Variants in PYGO1 observed in about 807,000 individuals in gnomAD.
PYGO1 encodes pygopus homolog 1.
A neutral mutation model predicts 29.5 loss-of-function variants in PYGO1; 6 were observed. That is an observed-to-expected ratio of 0.20 (90% CI 0.11 to 0.40). PYGO1 has a LOEUF of 0.40. Ranked by LOEUF, PYGO1 falls within the 10% of genes least tolerant of loss-of-function variation. The probability of loss-of-function intolerance (pLI) is 1.00; values close to 1 mark genes in which losing one functional copy is unlikely to be tolerated. For synonymous variants in PYGO1, 186 were observed against 180.5 expected (o/e 1.03, Z -0.24); for missense variants, 515 against 514.9 (o/e 1.00, Z 0.00).
intron 1 of PYGO1, among the ~76,000 whole-genome samples, chr15:55,578,790 C>G (rs1024813396): frequency 2.6e-5 from 4 of 152,166 alleles, no homozygotes; most frequent in Non-Finnish European, 2.9e-5. Flanking sequence ...TTCCATCGTG[C>G]GGGTTGTCTA....
intron 1 of PYGO1, among the ~76,000 whole-genome samples, chr15:55,562,136 C>A (rs113706453): frequency 0.054 from 8,158 of 152,120 alleles, 279 homozygotes; most frequent in Middle Eastern, 0.068. Context: ...AAAACCACAA[C>A]GAGATACCAT....
At chr15:55,561,877 T>C (rs1595986808) in intron 1 of PYGO1, among the ~76,000 whole-genome samples, 1 of 152,234 alleles carries the variant, frequency 6.6e-6, no homozygotes, top group Non-Finnish European at 1.5e-5. Context: ...CTAAAGAGCT[T>C]CTGCACAGCA....
chr15:55,566,809 C>T (rs566724435), intron 1 of PYGO1, among the ~76,000 whole-genome samples: 3 of 152,322 alleles, frequency 2.0e-5, no homozygotes, highest in South Asian at 4.1e-4. Context: ...CAGCTGACTA[C>T]AGCCTTGCCC....
intron 1 of PYGO1, among the ~76,000 whole-genome samples, chr15:55,566,883 G>A: frequency 6.6e-6 from 1 of 152,044 alleles, no homozygotes; most frequent in East Asian, 1.9e-4. Flanking sequence ...GGTGTGGGCT[G>A]CCATGTCCAG....
intron 1 of PYGO1, among the ~76,000 whole-genome samples, chr15:55,587,262 G>A (rs2059051195): frequency 1.3e-5 from 2 of 152,092 alleles, no homozygotes; most frequent in Admixed American, 6.5e-5. Context: ...GCATAACACT[G>A]ATTTTAGATA....
At chr15:55,553,640 A>G (rs2058890081) in intron 1 of PYGO1, among the ~76,000 whole-genome samples, 1 of 151,992 alleles carries the variant, frequency 6.6e-6, no homozygotes, top group African/African-American at 2.4e-5. Context: ...CAAACTCCTG[A>G]CCTCAAGTGA....
In PYGO1 at chr15:55,541,276, C is replaced by T. The variant is rs1006418065; in HGVS notation, c.*4747G>A. On this transcript the variant is annotated 3_prime_UTR_variant, in exon 3 of 3. Coordinates refer to ENST00000563719, the MANE Select transcript of PYGO1 (RefSeq NM_001367806.1). The stretch of plus-strand genomic sequence containing the variant: ...TGCTTCCAAATTCCCATCACTGTAC[C>T]ATAAGTTGGAAGATGCAGATGTGAC... 14 of 152,130 alleles carry T rather than the reference C, an allele frequency of 9.2e-5. No homozygotes were observed. The highest frequency in any genetic ancestry group is 1.5e-5 in the Non-Finnish European group (1 of 68,026). The allele number at this position is 152,130 out of a possible 1,614,324, so 9.4% of individuals were successfully genotyped here.
chr15:55,570,730 A>G (rs899937695), intron 1 of PYGO1, among the ~76,000 whole-genome samples: 27 of 152,288 alleles, frequency 1.8e-4, no homozygotes, highest in Admixed American at 1.5e-3. Context: ...AATTTTATGT[A>G]ATAAAATGCA....
chr15:55,581,861 AC>A (rs2059026187), intron 1 of PYGO1, among the ~76,000 whole-genome samples: 1 of 152,138 alleles, frequency 6.6e-6, no homozygotes, highest in Admixed American at 6.5e-5. Flanking sequence ...GATAAGCAAA[AC>A]CTAAAATAAA....
chr15:55,549,223 G>A (rs1036386577), intron 1 of PYGO1, among the ~76,000 whole-genome samples: 2 of 152,038 alleles, frequency 1.3e-5, no homozygotes, highest in African/African-American at 4.8e-5. Flanking sequence ...GAAAAAGCAA[G>A]TCTCTCTCTC....
At position 55,545,502 on chromosome 15, in the gene PYGO1, T is replaced by G. The variant is rs931578699; in HGVS notation, c.*521A>C. ...TCACTTGAAATATGAAATTCATTGA[T>G]TCCAAAGACCCTAGTGGAGGAGGAA... On this transcript the variant is annotated 3_prime_UTR_variant, in exon 3 of 3. Coordinates refer to ENST00000563719, the MANE Select transcript of PYGO1 (RefSeq NM_001367806.1). 7 of 152,336 alleles carry G rather than the reference T, an allele frequency of 4.6e-5. No homozygotes were observed. The highest frequency in any genetic ancestry group is 1.7e-4 in the African/African-American group (7 of 41,454). The allele number at this position is 152,336 out of a possible 1,614,324, so 9.4% of individuals were successfully genotyped here. A position where few individuals can be genotyped will look rare whatever the true frequency, so the allele number is the denominator to read the frequency against.
At chr15:55,587,665 G>A (rs2059054116) in intron 1 of PYGO1, among the ~76,000 whole-genome samples, 170 bp downstream of exon 1, 1 of 151,890 alleles carries the variant, frequency 6.6e-6, no homozygotes, top group South Asian at 2.1e-4. Context: ...GGGCCAGCGG[G>A]CGCCCGGGCC....
At chr15:55,584,562 G>A (rs955301295) in intron 1 of PYGO1, among the ~76,000 whole-genome samples, 4 of 152,154 alleles carry the variant, frequency 2.6e-5, no homozygotes, top group Admixed American at 6.5e-5. Flanking sequence ...TTAAAATAAC[G>A]ATGGCAGTTG....
At chr15:55,555,765 A>T (rs1048311550) in intron 1 of PYGO1, among the ~76,000 whole-genome samples, 2 of 152,172 alleles carry the variant, frequency 1.3e-5, no homozygotes, top group Admixed American at 6.5e-5. Context: ...TCTCATCGTT[A>T]TGCTGTCTCC....
intron 1 of PYGO1, among the ~76,000 whole-genome samples, chr15:55,571,869 T>C (rs1040245124): frequency 2.0e-5 from 3 of 152,120 alleles, no homozygotes; most frequent in African/African-American, 7.2e-5. Flanking sequence ...CTTTACTCCA[T>C]TTGGAATTTA....
Position 55,546,786 on chromosome 15 carries a change from C to T in PYGO1, c.497G>A (p.Ser166Asn), listed in dbSNP as rs2058853403. The change falls in exon 3 of 3, where the codon AGT (serine) becomes AAT (asparagine). Residue 166 changes from serine (S) to asparagine (N), a missense_variant. Ser to Asn is a conservative substitution (Grantham distance 46, BLOSUM62 1). Transcript: ENST00000563719. Reference sequence around the variant, plus strand: ...TTGATTAGGCATGTTGACATTCTGACTTAGTGCATTATTATAAGATGGATT... The same window carrying T: ...TTGATTAGGCATGTTGACATTCTGATTTAGTGCATTATTATAAGATGGATT... ...FGNPSYNNAL[S>N]QNVNMPNQHF... The T allele has an allele frequency of 6.2e-7, 1 of 1,614,008 alleles. No homozygotes were observed. The highest frequency in any genetic ancestry group is 8.5e-7 in the Non-Finnish European group (1 of 1,179,972).
chr15:55,542,594 C>G lies in PYGO1; in HGVS notation c.*3429G>C, dbSNP rs1242840810. ...CATGTGGACCACAAATTCTCTAGTGCATGAGCAAGTCAAGTTCTGAGAAAG... is the reference window on the plus strand; with the variant it reads ...CATGTGGACCACAAATTCTCTAGTGGATGAGCAAGTCAAGTTCTGAGAAAG... On this transcript the variant is annotated 3_prime_UTR_variant, in exon 3 of 3. Transcript: ENST00000563719. 1.3e-5 allele frequency: 2 copies of G among 152,142 alleles called. No individual in the cohort carries two copies. Among genetic ancestry groups the G allele is most frequent in the Non-Finnish European group, 2.9e-5 (2 of 68,028 alleles). The allele number at this position is 152,142 out of a possible 1,614,324, so 9.4% of individuals were successfully genotyped here. A position where few individuals can be genotyped will look rare whatever the true frequency, so the allele number is the denominator to read the frequency against.
rs755971128 is a variant in PYGO1, at chr15:55,546,360, C to T, written c.923G>A (p.Arg308Gln). Residue 308 changes from arginine (R) to glutamine (Q), a missense_variant, in exon 3 of 3, where the codon CGA becomes CAA. Physicochemically the swap from Arg to Gln is conservative, Grantham distance 43 (BLOSUM62 1). Coordinates refer to ENST00000563719, the MANE Select transcript of PYGO1 (RefSeq NM_001367806.1). ...GGCATCTGCTGCACCTCTTGGTTGTCGTGGCTTATTCTGCGTCCCATTTGC... is the reference window on the plus strand; with the variant it reads ...GGCATCTGCTGCACCTCTTGGTTGTTGTGGCTTATTCTGCGTCCCATTTGC... ...NPANGTQNKPRQPRGAADACT... is the reference protein window; with the variant it reads ...NPANGTQNKPQQPRGAADACT... 5.0e-6 allele frequency: 8 copies of T among 1,614,048 alleles called. No homozygotes were observed. The highest frequency in any genetic ancestry group is 1.6e-4 in the Middle Eastern group (1 of 6,084).
At position 55,540,625 on chromosome 15, in the gene PYGO1, T is replaced by C. The variant is rs536464835; in HGVS notation, c.*5398A>G. ...TAGAGTAGCTTAAAACATACCAGCA[T>C]AAGAAATAATTAGTATTACATAGTA... On this transcript the variant is annotated 3_prime_UTR_variant, in exon 3 of 3. Coordinates refer to ENST00000563719, the MANE Select transcript of PYGO1 (RefSeq NM_001367806.1). 2.4e-4 allele frequency: 36 copies of C among 152,276 alleles called. 1 individual carries two copies. Among genetic ancestry groups the C allele is most frequent in the Admixed American group, 7.2e-4 (11 of 15,294 alleles). The allele number at this position is 152,276 out of a possible 1,614,324, so 9.4% of individuals were successfully genotyped here.
Sources: gnomAD v4.1 joint callset for allele counts (sites outside exome capture counted in the v4.1 genomes callset) on GRCh38, gnomAD v4.1.1 for gene constraint, MANE v1.5 for transcripts, NCBI Gene and HGNC (gene_info 2026-07-23, HGNC 2026-07-21) for gene names.